The following WARS2 variants were observed in gnomAD, a reference collection of about 807,000 sequenced individuals.
WARS2 encodes tryptophanyl tRNA synthetase 2, mitochondrial, also known as tryptophan--tRNA ligase, mitochondrial.
Under a neutral mutation model 36.5 loss-of-function variants are expected in WARS2, and 28 were observed. The ratio of observed to expected loss-of-function variants is 0.77; its 90% CI spans 0.57 to 1.05. The LOEUF (loss-of-function observed/expected upper bound fraction) is 1.05. Among genes scored for constraint, WARS2 ranks in the 50% least tolerant of loss-of-function variants. The pLI is 0.00. For missense variants in WARS2, 435 were observed against 456.8 expected (o/e 0.95, Z 0.44); for synonymous variants, 174 against 178.4 (o/e 0.98, Z 0.20).
intron 1 of WARS2, among the ~76,000 whole-genome samples, chr1:119,114,542 T>C (rs1424208095): frequency 6.6e-6 from 1 of 152,174 alleles, no homozygotes; most frequent in Admixed American, 6.5e-5. Flanking sequence ...CCAGATAACC[T>C]GAACAAGGTA....
chr1:119,086,031 T>A, intron 1 of WARS2: 3 of 1,482,010 alleles, frequency 2.0e-6, no homozygotes, highest in Admixed American at 4.0e-5. Context: ...GCTAATTTTT[T>A]AAATTTCTCG....
At chr1:119,045,685 T>C (rs1648740715) in intron 2 of WARS2, 23 bp from the exon 3 acceptor site, 2 of 1,556,988 alleles carry the variant, frequency 1.3e-6, no homozygotes, top group Non-Finnish European at 1.7e-6. Flanking sequence ...AATAGAACAT[T>C]AGTAAAGGTG....
chr1:119,085,512 C>A, intron 1 of WARS2: 8 of 1,594,806 alleles, frequency 5.0e-6, no homozygotes, highest in East Asian at 2.2e-5. Flanking sequence ...ATCTTCAGAG[C>A]TCTCAGACAA....
intron 1 of WARS2, among the ~76,000 whole-genome samples, chr1:119,105,340 A>C (rs1373019122): frequency 2.6e-5 from 4 of 152,210 alleles, no homozygotes; most frequent in Non-Finnish European, 5.9e-5. Flanking sequence ...TCTTCTATAC[A>C]CAAATGTTAA....
At chr1:119,128,803 C>G (rs1044827730) in intron 1 of WARS2, among the ~76,000 whole-genome samples, 1 of 152,046 alleles carries the variant, frequency 6.6e-6, no homozygotes, top group Non-Finnish European at 1.5e-5. Context: ...TGGTAAGCAT[C>G]TGACTTTCAA....
chr1:119,126,182 C>T (rs1655641884), intron 1 of WARS2, among the ~76,000 whole-genome samples: 1 of 151,080 alleles, frequency 6.6e-6, no homozygotes, highest in Non-Finnish European at 1.5e-5. Context: ...CATAGTGTCC[C>T]AATAGCCAAG....
chr1:119,078,325 A>G (rs1163327727), intron 1 of WARS2, among the ~76,000 whole-genome samples: 1 of 152,250 alleles, frequency 6.6e-6, no homozygotes, highest in Non-Finnish European at 1.5e-5. Context: ...ATCTTAATGT[A>G]TTATGAGCCA....
chr1:119,127,215 G>A (rs765562099), intron 1 of WARS2: 81 of 733,876 alleles, frequency 1.1e-4, no homozygotes, highest in Middle Eastern at 3.8e-4. Context: ...ATCCTTCTTC[G>A]AAAATGGATC....
chr1:119,034,228 A>G lies in WARS2; in HGVS notation c.516-15T>C, dbSNP rs1356795299. On this transcript the variant is annotated splice_polypyrimidine_tract_variant and intron_variant, in intron 4 of 5. Coordinates refer to ENST00000235521, the MANE Select transcript of WARS2 (RefSeq NM_015836.4). ...CGTGTGTGGACCTTTAATAAAAGAC[A>G]GACAGAAAAACAACAGCAAGGCTCT... 1 of 1,604,278 alleles carries G rather than the reference A, an allele frequency of 6.2e-7. No individual in the cohort carries two copies. Among genetic ancestry groups the G allele is most frequent in the African/African-American group, 1.3e-5 (1 of 74,720 alleles).
intron 2 of WARS2, among the ~76,000 whole-genome samples, chr1:119,054,278 C>G (rs554172817): frequency 1.3e-5 from 2 of 151,920 alleles, no homozygotes; most frequent in Non-Finnish European, 2.9e-5. Flanking sequence ...AAATGGCCAA[C>G]AAACATATGA....
At chr1:119,083,379 C>T (rs192588764) in intron 1 of WARS2, among the ~76,000 whole-genome samples, 6 of 152,306 alleles carry the variant, frequency 3.9e-5, no homozygotes, top group Non-Finnish European at 8.8e-5. Flanking sequence ...CGGCCCTCAC[C>T]ACACACCAAG....
At chr1:119,076,326 T>A in intron 2 of WARS2, 24 bp downstream of exon 2, 1 of 1,612,242 alleles carries the variant, frequency 6.2e-7, no homozygotes, top group Non-Finnish European at 8.5e-7. Context: ...AAGAGTTTTC[T>A]CAGTTCTAAT....
intron 1 of WARS2, chr1:119,085,274 G>A (rs1268301812): frequency 3.1e-6 from 3 of 973,564 alleles, no homozygotes; most frequent in Non-Finnish European, 5.0e-6. Context: ...CCCAACCAGA[G>A]TAGGCAGTCC....
intron 1 of WARS2, among the ~76,000 whole-genome samples, chr1:119,116,084 T>G (rs1654948282): frequency 6.6e-6 from 1 of 152,172 alleles, no homozygotes; most frequent in South Asian, 2.1e-4. Flanking sequence ...GTAAGGAATA[T>G]GATATAAAGT....
At position 119,085,042 on chromosome 1, in the gene WARS2, G is replaced by A. The variant is rs951335604; in HGVS notation, c.91-8435C>T. 1.1e-4 allele frequency: 72 copies of A among 673,188 alleles called. 1 individual carries two copies. The highest frequency in any genetic ancestry group is 3.3e-5 in the South Asian group (2 of 59,702). 41.7% of individuals were successfully genotyped at this position (673,188 alleles called of 1,614,324 possible). A position where few individuals can be genotyped will look rare whatever the true frequency, so the allele number is the denominator to read the frequency against. Reference sequence around the variant, plus strand: ...CTGGAATTCAAAGACTCCTGCTCCCGGCAGCGCTGGGTCCTTTTATGCCTA... The same window carrying A: ...CTGGAATTCAAAGACTCCTGCTCCCAGCAGCGCTGGGTCCTTTTATGCCTA... On this transcript the variant is annotated intron_variant, in intron 1 of 5. Coordinates refer to ENST00000235521, the MANE Select transcript of WARS2 (RefSeq NM_015836.4).
Position 119,072,991 on chromosome 1 carries a change from C to CA in WARS2, c.348+3358dup, listed in dbSNP as rs35023397. The stretch of plus-strand genomic sequence containing the variant: ...ACAACGTTGTGAGACCCCATCTCTC[C>CA]AAAAAAAAAGCCAGGTGTGGTAGAA... On this transcript the variant is annotated intron_variant, in intron 2 of 5. Coordinates refer to ENST00000235521, the MANE Select transcript of WARS2 (RefSeq NM_015836.4). Among the ~76,000 whole-genome samples, 200 of 148,844 alleles carry CA rather than the reference C, an allele frequency of 1.3e-3. 1 individual carries two copies. Among genetic ancestry groups the CA allele is most frequent in the African/African-American group, 4.2e-3 (170 of 40,528 alleles).
At position 119,084,349 on chromosome 1, in the gene WARS2, TAGAC is replaced by T. The variant is rs199517781; in HGVS notation, c.91-7746_91-7743del. Among the ~76,000 whole-genome samples the T allele has an allele frequency of 8.3e-3, 1,260 of 152,178 alleles. 25 individuals are homozygous for T. Among genetic ancestry groups the T allele is most frequent in the East Asian group, 0.051 (264 of 5,178 alleles). ...GGGATGATAAAAAATGTTTTGGAAA[TAGAC>T]AGAGGCGATGGTTACACAACATTGT... On this transcript the variant is annotated intron_variant, in intron 1 of 5. Transcript: ENST00000235521.
Position 119,140,617 on chromosome 1 carries a change from G to T in WARS2, c.28C>A (p.Arg10Ser), listed in dbSNP as rs1656901008. ...GCCCGGATGAAGCTCCAGCGCTCACGCGCTTTCCGCATTGAGTGCAGCGCC... is the reference window on the plus strand; with the variant it reads ...GCCCGGATGAAGCTCCAGCGCTCACTCGCTTTCCGCATTGAGTGCAGCGCC... MALHSMRKARERWSFIRALH... is the reference protein window; with the variant it reads MALHSMRKASERWSFIRALH... The change falls in exon 1 of 6, where the codon CGT becomes AGT. Residue 10 changes from arginine to serine, a missense_variant. Coordinates refer to ENST00000235521, the MANE Select transcript of WARS2 (RefSeq NM_015836.4). The T allele has an allele frequency of 3.1e-6, 5 of 1,613,764 alleles. No individual in the cohort carries two copies. In the South Asian group the frequency reaches 4.4e-5, roughly 14 times the overall value.
chr1:119,066,252 C>A (rs1008955242), intron 2 of WARS2, among the ~76,000 whole-genome samples: 1 of 151,982 alleles, frequency 6.6e-6, no homozygotes, highest in African/African-American at 2.4e-5. Flanking sequence ...CTAAGGTGGG[C>A]GGATCACAAG....
Sources: gnomAD v4.1 joint callset for allele counts (sites outside exome capture counted in the v4.1 genomes callset) on GRCh38, gnomAD v4.1.1 for gene constraint, MANE v1.5 for transcripts, NCBI Gene and HGNC (gene_info 2026-07-23, HGNC 2026-07-21) for gene names.